The following TEX14 variants were observed in gnomAD, a reference collection of about 807,000 sequenced individuals.
TEX14 encodes testis expressed 14, intercellular bridge forming factor, also known as inactive serine/threonine-protein kinase TEX14.
A neutral mutation model predicts 178.6 loss-of-function variants in TEX14; 168 were observed. The ratio of observed to expected loss-of-function variants is 0.94; its 90% CI spans 0.83 to 1.07. The LOEUF (loss-of-function observed/expected upper bound fraction) is 1.07. TEX14 is among the 50% of genes least tolerant of loss of function. TEX14 has a pLI of 0.00. For missense variants in TEX14, 1,730 were observed against 1,753.6 expected, an observed-to-expected ratio of 0.99 and a Z score of 0.24; for synonymous variants, 626 against 634.1, an observed-to-expected ratio of 0.99 and a Z score of 0.19.
At chr17:58,659,318 A>C (rs1204681151) in intron 1 of TEX14, 7 of 981,260 alleles carry the variant, frequency 7.1e-6, no homozygotes, top group Non-Finnish European at 8.5e-6. Context: ...TTTACTTAAT[A>C]TTGCTAATAC....
chr17:58,622,996 T>A lies in TEX14; in HGVS notation c.268A>T (p.Ser90Cys). 6.3e-7 allele frequency: 1 copy of A among 1,598,112 alleles called. No homozygotes were observed. Among genetic ancestry groups the A allele is most frequent in the Non-Finnish European group, 8.6e-7 (1 of 1,166,584 alleles). ...SDPNHRCFDG[S>C]TPVHAAAFSG... ...AATGCTGCTGCATGGACAGGGGTGC[T>A]CCCATCAAAGCAGCGGCTGGGGAGG... Residue 90 changes from serine (S) to cysteine (C), a missense_variant, in exon 4 of 32, where the codon AGC (serine) becomes TGC (cysteine). This residue lies in a region of TEX14 where 789 missense variants were observed against 681.2 expected (regional missense o/e 1.16). Coordinates refer to ENST00000349033, the MANE Select transcript of TEX14 (RefSeq NM_031272.5).
intron 15 of TEX14, among the ~76,000 whole-genome samples, chr17:58,588,245 C>G (rs1014089482): frequency 1.3e-5 from 2 of 152,114 alleles, no homozygotes; most frequent in Non-Finnish European, 2.9e-5. Flanking sequence ...TGCTCCTGCC[C>G]GTCCATCAGA....
intron 2 of TEX14, among the ~76,000 whole-genome samples, chr17:58,633,143 G>A (rs1475857462): frequency 2.0e-5 from 3 of 152,126 alleles, no homozygotes; most frequent in Non-Finnish European, 4.4e-5. Flanking sequence ...AGGGCCTTTG[G>A]ACAGGCTGTT....
chr17:58,628,637 C>T (rs1054324452), intron 3 of TEX14, among the ~76,000 whole-genome samples: 3 of 151,004 alleles, frequency 2.0e-5, no homozygotes, highest in Admixed American at 6.6e-5. Flanking sequence ...ACTTGAACCT[C>T]GGAGGCACAG....
intron 2 of TEX14, among the ~76,000 whole-genome samples, chr17:58,644,514 T>C (rs993385612): frequency 2.6e-5 from 4 of 151,874 alleles, no homozygotes; most frequent in Non-Finnish European, 4.4e-5. Flanking sequence ...TGTATTTTTG[T>C]AGAGATGGGG....
Position 58,557,823 on chromosome 17 carries a change from C to T in TEX14, c.4295G>A (p.Arg1432Gln), listed in dbSNP as rs779712862. 15 of 1,611,694 alleles carry T rather than the reference C, an allele frequency of 9.3e-6. No homozygotes were observed. Among genetic ancestry groups the T allele is most frequent in the Middle Eastern group, 1.6e-4 (1 of 6,070 alleles). ...CCTGGATGATTCGGACCAACCTAGT[C>T]GCTTCCAAAAACAGGATTTTAGTTC... is the stretch of plus-strand genomic sequence containing the variant. Reference protein sequence around the residue: ...EDELKSCFWKRLGWSESSRII... With the variant: ...EDELKSCFWKQLGWSESSRII... Residue 1432 changes from arginine to glutamine, a missense_variant, in exon 31 of 32, where the codon CGA becomes CAA. This residue lies in a region of TEX14 where 941 missense variants were observed against 1,072.4 expected (regional missense o/e 0.88). Coordinates refer to ENST00000349033, the MANE Select transcript of TEX14 (RefSeq NM_031272.5).
rs578137514 is a variant in TEX14 at position 58,649,139 on chromosome 17, G to A, written c.136+2727C>T. On this transcript the variant is annotated intron_variant, in intron 2 of 31. Coordinates refer to ENST00000349033, the MANE Select transcript of TEX14 (RefSeq NM_031272.5). ...TTGTTGCTCAGGCTGGAGTGCAATG[G>A]CGCAATCTCGGCTCACGGCAACCTC... 1.1e-4 allele frequency among the ~76,000 whole-genome samples: 17 copies of A among 148,466 alleles called. No individual in the cohort carries two copies. The South Asian group carries it at 3.2e-3, about 28-fold the overall frequency.
chr17:58,675,252 C>T (rs2047377356), intron 1 of TEX14: 1 of 152,198 alleles, frequency 6.6e-6, no homozygotes, highest in Non-Finnish European at 1.5e-5. Context: ...CCACTTCACC[C>T]TCACTATGAT....
intron 1 of TEX14, among the ~76,000 whole-genome samples, chr17:58,669,468 C>T (rs1444282518): frequency 6.6e-6 from 1 of 151,924 alleles, no homozygotes; most frequent in African/African-American, 2.4e-5. Context: ...CGTGGTGGCT[C>T]ACGCCTGTAA....
At chr17:58,591,286 G>A (rs1028931264) in intron 15 of TEX14, among the ~76,000 whole-genome samples, 16 of 152,208 alleles carry the variant, frequency 1.1e-4, no homozygotes, top group African/African-American at 3.9e-4. Flanking sequence ...GGGAGGCCAA[G>A]GTGGGTGGAT....
At chr17:58,659,878 G>T (rs2047070146) in intron 1 of TEX14, among the ~76,000 whole-genome samples, 1 of 151,628 alleles carries the variant, frequency 6.6e-6, no homozygotes, top group Admixed American at 6.6e-5. Context: ...TGTAGTTTTA[G>T]TAAAGATGGG....
At chr17:58,661,537 G>C in intron 1 of TEX14, 1 of 776,894 alleles carries the variant, frequency 1.3e-6, no homozygotes, top group Middle Eastern at 2.3e-4. Flanking sequence ...GAAGCTGTTT[G>C]CTGGAATCGA....
chr17:58,617,736 C>A, intron 5 of TEX14, 117 bp from the exon 6 acceptor site: 1 of 666,182 alleles, frequency 1.5e-6, no homozygotes, highest in East Asian at 2.8e-5. Context: ...GCTAGACTTT[C>A]TGTTACAAAA....
At chr17:58,608,980 C>A (rs1372355980) in intron 10 of TEX14, among the ~76,000 whole-genome samples, 1 of 152,118 alleles carries the variant, frequency 6.6e-6, no homozygotes, top group African/African-American at 2.4e-5. Flanking sequence ...ATAAGGAGAC[C>A]CTGAAAGCTT....
intron 11 of TEX14, among the ~76,000 whole-genome samples, chr17:58,602,833 C>T (rs1054587864): frequency 5.3e-5 from 8 of 151,194 alleles, no homozygotes; most frequent in African/African-American, 1.5e-4. Flanking sequence ...TTTGGGAGGC[C>T]GAGGCGGGTG....
chr17:58,648,603 T>C (rs1026314779), intron 2 of TEX14, among the ~76,000 whole-genome samples: 2 of 152,112 alleles, frequency 1.3e-5, no homozygotes, highest in Non-Finnish European at 2.9e-5. Flanking sequence ...TGTGTCACTC[T>C]GGTGGCAGCT....
chr17:58,587,675 C>T lies in TEX14; in HGVS notation c.2703-9G>A. 3 of 1,594,812 alleles carry T rather than the reference C, an allele frequency of 1.9e-6. No homozygotes were observed. The highest frequency in any genetic ancestry group is 1.7e-6 in the Non-Finnish European group (2 of 1,170,212). On this transcript the variant is annotated splice_polypyrimidine_tract_variant and intron_variant, in intron 16 of 31. Coordinates refer to ENST00000349033, the MANE Select transcript of TEX14 (RefSeq NM_031272.5). ...CAGGTTCCACACTCATCCTGAATTGCACGGGTTTTTTGGAGGTAGGGGGAG... is the reference window on the plus strand; with the variant it reads ...CAGGTTCCACACTCATCCTGAATTGTACGGGTTTTTTGGAGGTAGGGGGAG...
At chr17:58,582,862 C>T (rs2044856674) in intron 19 of TEX14, among the ~76,000 whole-genome samples, 1 of 151,884 alleles carries the variant, frequency 6.6e-6, no homozygotes, top group Admixed American at 6.6e-5. Context: ...CCGCGACCGG[C>T]CTGCAAATTT....
intron 16 of TEX14, 114 bp downstream of exon 16, chr17:58,587,782 C>A: frequency 8.5e-7 from 1 of 1,171,064 alleles, no homozygotes; most frequent in Non-Finnish European, 1.3e-6. Context: ...GACCTGTTCC[C>A]TACTCCCTAA....
Sources: allele counts gnomAD v4.1 joint callset (sites outside exome capture counted in the v4.1 genomes callset), GRCh38; gene constraint gnomAD v4.1.1; regional missense constraint gnomAD v4.1.1; transcripts MANE v1.5; gene names NCBI Gene and HGNC (gene_info 2026-07-23, HGNC 2026-07-21).